DENND2D: variants seen among roughly 807,000 people sequenced by gnomAD.
The protein encoded by DENND2D is DENN domain-containing protein 2D.
In DENND2D, 37 loss-of-function variants were observed where a neutral mutation model predicts 59.8. The ratio of observed to expected loss-of-function variants is 0.62; its 90% CI spans 0.48 to 0.81. DENND2D has a LOEUF of 0.81. Ranked by LOEUF, DENND2D falls within the 40% of genes least tolerant of loss-of-function variation. DENND2D has a pLI of 0.00. For synonymous variants in DENND2D, 219 were observed against 211.3 expected, an observed-to-expected ratio of 1.04 and a Z score of -0.31; for missense variants, 525 against 579.7, an observed-to-expected ratio of 0.91 and a Z score of 0.97.
At chr1:111,190,080 C>T (rs1045334879) in intron 8 of DENND2D, among the ~76,000 whole-genome samples, 6 of 148,452 alleles carry the variant, frequency 4.0e-5, no homozygotes, top group Admixed American at 2.1e-4. Context: ...AGGAGAATGG[C>T]GTGAACCCGG....
upstream of DENND2D, chr1:111,201,274 G>A (rs143294655): frequency 2.0e-5 from 3 of 152,304 alleles, no homozygotes; most frequent in East Asian, 5.8e-4. Flanking sequence ...TAGCTACAAT[G>A]GTGAATTTCA....
chr1:111,188,391 A>G, intron 10 of DENND2D, 21 bp from the exon 11 acceptor site: 3 of 1,609,306 alleles, frequency 1.9e-6, no homozygotes, highest in East Asian at 2.2e-5. Flanking sequence ...TATAAAGGCC[A>G]TCTCAGAGGG....
intron 4 of DENND2D, 181 bp from the exon 5 acceptor site, chr1:111,197,434 G>A: frequency 7.0e-7 from 1 of 1,436,298 alleles, no homozygotes. Flanking sequence ...GGTACTGGGT[G>A]AGTTGGTGGG....
intron 4 of DENND2D, 95 bp from the exon 5 acceptor site, chr1:111,197,348 G>C: frequency 6.5e-7 from 1 of 1,531,120 alleles, no homozygotes; most frequent in East Asian, 2.4e-5. Flanking sequence ...GGGCTGGGGA[G>C]GGGGATTTAT....
At chr1:111,194,828 G>T in intron 6 of DENND2D, 102 bp from the exon 7 acceptor site, 2 of 1,326,594 alleles carry the variant, frequency 1.5e-6, no homozygotes, top group East Asian at 2.3e-5. Flanking sequence ...CTGCCCCCAG[G>T]AGTGAATCTG....
At chr1:111,188,935 G>T in intron 9 of DENND2D, 149 bp from the exon 10 acceptor site, 1 of 757,236 alleles carries the variant, frequency 1.3e-6, no homozygotes. Context: ...GCTGTTTCTT[G>T]GCCTTTAGTT....
chr1:111,198,107 G>A, intron 3 of DENND2D, 118 bp from the exon 4 acceptor site: 1 of 922,670 alleles, frequency 1.1e-6, no homozygotes, highest in Non-Finnish European at 1.7e-6. Context: ...AATCACAGGA[G>A]TAAGGGCTCA....
In DENND2D at chr1:111,188,120, T is replaced by C. The variant is rs1657388824; in HGVS notation, c.1339+11A>G. 6.2e-7 allele frequency: 1 copy of C among 1,614,152 alleles called. No homozygotes were observed. On this transcript the variant is annotated intron_variant, in intron 11 of 11. Coordinates refer to ENST00000357640, the MANE Select transcript of DENND2D (RefSeq NM_024901.5). ...TCTATGGGCTTAGACTGATGGGGAC[T>C]GTTACTGTACCTGCAGGAGGATTCT...
upstream of DENND2D, among the ~76,000 whole-genome samples, chr1:111,202,725 A>ACACACACACT (rs1315861220): frequency 6.7e-6 from 1 of 149,076 alleles, no homozygotes; most frequent in Admixed American, 6.7e-5. Context: ...ACACACACAC[A>ACACACACACT]CTCCCTCCTA....
chr1:111,204,160 C>G, upstream of DENND2D: 2 of 929,368 alleles, frequency 2.2e-6, no homozygotes, highest in Non-Finnish European at 2.9e-6. Flanking sequence ...CCCCGCGCAG[C>G]CTCCTGAGTC....
Position 111,195,230 on chromosome 1 carries a change from T to C in DENND2D, c.646-504A>G, listed in dbSNP as rs1029906708. 14 of 154,868 alleles carry C rather than the reference T, an allele frequency of 9.0e-5. 1 individual carries two copies. The highest frequency in any genetic ancestry group is 5.7e-4 in the Admixed American group (9 of 15,728). 9.6% of individuals were successfully genotyped at this position (154,868 alleles called of 1,614,324 possible). A position where few individuals can be genotyped will look rare whatever the true frequency, so the allele number is the denominator to read the frequency against. ...TAACATCTGTTCTCCCCACTGGACT[T>C]ACAGCTCCAAAAGGTCAGGGACCAC... On this transcript the variant is annotated intron_variant, in intron 6 of 11. Coordinates refer to ENST00000357640, the MANE Select transcript of DENND2D (RefSeq NM_024901.5).
upstream of DENND2D, among the ~76,000 whole-genome samples, chr1:111,202,696 TACACACACACACACAC>T (rs5741908): frequency 7.0e-6 from 1 of 142,858 alleles, no homozygotes; most frequent in African/African-American, 2.7e-5. Flanking sequence ...GTCACCAGGA[TACACACACACACACAC>T]ACACACACAC....
chr1:111,200,336 C>G (rs1658677268), intron 1 of DENND2D, 57 bp downstream of exon 1: 2 of 1,577,170 alleles, frequency 1.3e-6, no homozygotes, highest in Non-Finnish European at 1.7e-6. Flanking sequence ...AAGGAAGAAA[C>G]AGTCCCGCCT....
intron 6 of DENND2D, 29 bp from the exon 7 acceptor site, chr1:111,194,755 G>A (rs376155812): frequency 1.1e-5 from 17 of 1,612,126 alleles, no homozygotes; most frequent in Non-Finnish European, 1.4e-5. Context: ...GAGAGAAGGT[G>A]TCACTATACT....
At chr1:111,189,166 T>A (rs1231807187) in intron 9 of DENND2D, 46 bp downstream of exon 9, 4 of 1,599,566 alleles carry the variant, frequency 2.5e-6, no homozygotes, top group Non-Finnish European at 3.4e-6. Flanking sequence ...ACTAGAGTGG[T>A]AGAGTTGTTG....
intron 2 of DENND2D, 41 bp from the exon 3 acceptor site, chr1:111,198,783 G>A: frequency 6.2e-7 from 1 of 1,604,378 alleles, no homozygotes; most frequent in South Asian, 1.1e-5. Flanking sequence ...TGAAGCTGGG[G>A]GCAGAGATAG....
upstream of DENND2D, chr1:111,202,407 C>T (rs1464126731): frequency 3.3e-5 from 5 of 152,298 alleles, no homozygotes; most frequent in East Asian, 5.8e-4. Flanking sequence ...CCATCAAACT[C>T]ATGTTTCATA....
intron 6 of DENND2D, 70 bp from the exon 7 acceptor site, chr1:111,194,796 C>T: frequency 6.6e-7 from 1 of 1,514,826 alleles, no homozygotes; most frequent in Admixed American, 1.8e-5. Flanking sequence ...AGGTGCTAGG[C>T]CTCTACCAGC....
At chr1:111,204,064 C>T (rs1659068984), upstream of DENND2D, 1 of 378,038 alleles carries the variant, frequency 2.6e-6, no homozygotes, top group East Asian at 4.5e-5. Flanking sequence ...CGCCGCCTCC[C>T]CCTCGCCCCC....
Sources: gnomAD v4.1 joint callset for allele counts (sites outside exome capture counted in the v4.1 genomes callset) on GRCh38, gnomAD v4.1.1 for gene constraint, MANE v1.5 for transcripts, NCBI Gene and HGNC (gene_info 2026-07-23, HGNC 2026-07-21) for gene names.